Variants in POU6F2 observed in about 807,000 individuals in gnomAD.
POU6F2 encodes the protein POU class 6 homeobox 2, also known as POU domain, class 6, transcription factor 2.
POU6F2 carries 31 observed loss-of-function variants against 71.3 expected under a neutral mutation model. The observed-to-expected ratio is 0.43, with a 90% CI of 0.33 to 0.59. The LOEUF is 0.59. Ranked by LOEUF, POU6F2 falls within the 20% of genes least tolerant of loss-of-function variation. POU6F2 has a pLI of 0.04. For synonymous variants in POU6F2, 347 were observed against 355.7 expected (o/e 0.98, Z 0.27); for missense variants, 783 against 856.8 (o/e 0.91, Z 1.07).
chr7:39,067,408 A>G (rs951360081), intron 1 of POU6F2, among the ~76,000 whole-genome samples: 2 of 151,986 alleles, frequency 1.3e-5, no homozygotes, highest in Admixed American at 6.6e-5. Context: ...AAAATAAAAC[A>G]TAAAGGTTAA....
chr7:39,015,139 C>G (rs940516992), intron 1 of POU6F2, among the ~76,000 whole-genome samples: 4 of 150,558 alleles, frequency 2.7e-5, no homozygotes, highest in African/African-American at 9.8e-5. Flanking sequence ...ATATCAATGC[C>G]TAACAATTTC....
At chr7:39,222,655 A>G (rs956531132) in intron 4 of POU6F2, among the ~76,000 whole-genome samples, 5 of 152,192 alleles carry the variant, frequency 3.3e-5, no homozygotes, top group Non-Finnish European at 7.3e-5. Flanking sequence ...GTGGAATCAT[A>G]TAGTATTCGT....
intron 6 of POU6F2, among the ~76,000 whole-genome samples, chr7:39,417,412 G>A (rs1265854171): frequency 5.3e-5 from 8 of 152,180 alleles, no homozygotes; most frequent in African/African-American, 9.7e-5. Flanking sequence ...AAGTTCAAAT[G>A]TAGGCCTTTG....
chr7:39,258,598 G>C (rs1391208753), intron 4 of POU6F2, among the ~76,000 whole-genome samples: 1 of 151,840 alleles, frequency 6.6e-6, no homozygotes, highest in Non-Finnish European at 1.5e-5. Context: ...TTCTTTCTGG[G>C]CTCAAATTAT....
chr7:39,015,812 A>C (rs1442089360), intron 1 of POU6F2, among the ~76,000 whole-genome samples: 4 of 84,000 alleles, frequency 4.8e-5, no homozygotes, highest in African/African-American at 9.4e-5. Context: ...TATATTATAT[A>C]GGTATATATT....
intron 1 of POU6F2, among the ~76,000 whole-genome samples, chr7:39,041,000 G>A (rs373821258): frequency 2.0e-5 from 3 of 152,036 alleles, no homozygotes; most frequent in East Asian, 3.9e-4. Flanking sequence ...TAAAGGGTTG[G>A]TGCTTGAATC....
chr7:39,363,310 A>G (rs545298585), intron 5 of POU6F2, among the ~76,000 whole-genome samples: 1 of 152,312 alleles, frequency 6.6e-6, no homozygotes, highest in East Asian at 1.9e-4. Flanking sequence ...AGCAACTGGT[A>G]GTATGAAGTT....
At chr7:39,228,399 C>T (rs1236477321) in intron 4 of POU6F2, among the ~76,000 whole-genome samples, 1 of 152,178 alleles carries the variant, frequency 6.6e-6, no homozygotes, top group Admixed American at 6.5e-5. Context: ...AAGCACATAG[C>T]CCTCCCACCA....
chr7:39,433,117 C>T lies in POU6F2; in HGVS notation c.1154C>T (p.Ser385Leu), dbSNP rs373122380. The stretch of plus-strand genomic sequence containing the variant: ...CCACTGATGCCTAATCCAGGGCCAT[C>T]GAGCCAAGCAGCAAGCGGCACTCAG... ...TIPLMPNPGP[S>L]SQAASGTQGL... Residue 385 changes from serine (S) to leucine (L), a missense_variant, in exon 7 of 10, where the codon TCG (serine) becomes TTG (leucine). This residue lies in a region of POU6F2 where 572 missense variants were observed against 572.9 expected (regional missense o/e 1.00). Transcript: ENST00000518318. 13 of 1,613,492 alleles carry T rather than the reference C, an allele frequency of 8.1e-6. No homozygotes were observed. Among genetic ancestry groups the T allele is most frequent in the East Asian group, 6.7e-5 (3 of 44,806 alleles).
At chr7:39,102,575 A>G (rs1329013821) in intron 2 of POU6F2, among the ~76,000 whole-genome samples, 3 of 152,172 alleles carry the variant, frequency 2.0e-5, no homozygotes, top group South Asian at 2.1e-4. Flanking sequence ...TTAAGGGAAA[A>G]TAGACTCTAC....
chr7:39,216,504 A>T (rs1453868429), intron 4 of POU6F2, among the ~76,000 whole-genome samples: 1 of 152,178 alleles, frequency 6.6e-6, no homozygotes, highest in Non-Finnish European at 1.5e-5. Context: ...TGACAAGCAG[A>T]TCAGTGGTTG....
intron 2 of POU6F2, among the ~76,000 whole-genome samples, chr7:39,121,994 C>T (rs1792053444): frequency 6.6e-6 from 1 of 152,228 alleles, no homozygotes; most frequent in African/African-American, 2.4e-5. Flanking sequence ...CCACCACACC[C>T]AGCCTACAGA....
At chr7:39,071,727 C>T (rs1454671409) in intron 1 of POU6F2, among the ~76,000 whole-genome samples, 1 of 151,420 alleles carries the variant, frequency 6.6e-6, no homozygotes, top group Non-Finnish European at 1.5e-5. Flanking sequence ...GAAAAAATTT[C>T]TAACAGTCTT....
intron 1 of POU6F2, among the ~76,000 whole-genome samples, chr7:39,023,823 C>T (rs1389652143): frequency 6.6e-6 from 1 of 152,004 alleles, no homozygotes; most frequent in Non-Finnish European, 1.5e-5. Flanking sequence ...GCATTCTCTG[C>T]ACTTTACAAA....
chr7:39,006,290 C>T (rs1789067270), intron 1 of POU6F2, among the ~76,000 whole-genome samples: 1 of 152,018 alleles, frequency 6.6e-6, no homozygotes. Context: ...ATGGTGACAC[C>T]CCATCTCTAC....
intron 4 of POU6F2, among the ~76,000 whole-genome samples, chr7:39,228,297 G>C (rs1434795782): frequency 6.6e-6 from 1 of 152,066 alleles, no homozygotes; most frequent in Non-Finnish European, 1.5e-5. Flanking sequence ...TTTTTCCTGA[G>C]AGCTGGCTAG....
At chr7:39,269,300 A>G (rs910319438) in intron 4 of POU6F2, among the ~76,000 whole-genome samples, 1 of 151,956 alleles carries the variant, frequency 6.6e-6, no homozygotes, top group Non-Finnish European at 1.5e-5. Context: ...AGCATCAGCC[A>G]CTCCTGGCAC....
At chr7:39,376,924 T>C (rs1043605173) in intron 5 of POU6F2, among the ~76,000 whole-genome samples, 5 of 145,420 alleles carry the variant, frequency 3.4e-5, no homozygotes, top group Non-Finnish European at 7.6e-5. Flanking sequence ...ATATTTAATA[T>C]TTATTTAGTA....
chr7:39,388,372 A>G (rs1214985959), intron 5 of POU6F2, among the ~76,000 whole-genome samples: 3 of 152,168 alleles, frequency 2.0e-5, no homozygotes, highest in East Asian at 1.9e-4. Flanking sequence ...CTGGAGTGCA[A>G]TGACACAATC....
Sources: gnomAD v4.1 joint callset for allele counts (sites outside exome capture counted in the v4.1 genomes callset) on GRCh38, gnomAD v4.1.1 for gene constraint, gnomAD v4.1.1 regional missense constraint, MANE v1.5 for transcripts, NCBI Gene and HGNC (gene_info 2026-07-23, HGNC 2026-07-21) for gene names.